The following LMO7 variants were observed in gnomAD, a reference collection of about 807,000 sequenced individuals.
LMO7 encodes LIM domain 7.
LMO7 carries 120 observed loss-of-function variants against 206.5 expected under a neutral mutation model. That is an observed-to-expected ratio of 0.58 (90% CI 0.50 to 0.68). The LOEUF is 0.68. Among genes scored for constraint, LMO7 ranks in the 30% least tolerant of loss-of-function variants. LMO7 has a pLI of 0.00. For synonymous variants in LMO7, 706 were observed against 681.5 expected (o/e 1.04, Z -0.56); for missense variants, 1,959 against 1,957.9 (o/e 1.00, Z -0.01).
chr13:75,744,166 T>G (rs1445824457), intron 3 of LMO7, among the ~76,000 whole-genome samples: 2 of 152,238 alleles, frequency 1.3e-5, no homozygotes, highest in East Asian at 3.8e-4. Context: ...TGCCTCTATC[T>G]CTTCCATTCC....
intron 1 of LMO7, among the ~76,000 whole-genome samples, chr13:75,670,628 A>C (rs917606387): frequency 6.6e-6 from 1 of 152,236 alleles, no homozygotes; most frequent in Non-Finnish European, 1.5e-5. Flanking sequence ...GAAATGCTAC[A>C]TTTGTATAGG....
intron 4 of LMO7, among the ~76,000 whole-genome samples, chr13:75,772,265 C>T (rs866657358): frequency 6.6e-6 from 1 of 151,966 alleles, no homozygotes; most frequent in Non-Finnish European, 1.5e-5. Context: ...GCCAAAGACA[C>T]GTGAAACTAA....
At chr13:75,848,880 G>A (rs748764646) in intron 26 of LMO7, 199 bp from the exon 27 acceptor site, 22 of 538,568 alleles carry the variant, frequency 4.1e-5, no homozygotes, top group East Asian at 9.4e-5. Flanking sequence ...CACCAGCAGC[G>A]TAGGAGTGCT....
At chr13:75,827,230 G>A (rs1389598203) in intron 15 of LMO7, among the ~76,000 whole-genome samples, 1 of 152,122 alleles carries the variant, frequency 6.6e-6, no homozygotes, top group Non-Finnish European at 1.5e-5. Context: ...AACTTGATCT[G>A]GCAGGTAATT....
chr13:75,682,128 A>G (rs1244831187), intron 1 of LMO7, among the ~76,000 whole-genome samples: 3 of 152,194 alleles, frequency 2.0e-5, no homozygotes, highest in Admixed American at 6.5e-5. Flanking sequence ...CTATTCTTCT[A>G]CACCCTTGTC....
chr13:75,776,112 T>TATATATATAC (rs1491138251), intron 4 of LMO7, among the ~76,000 whole-genome samples: 6 of 77,272 alleles, frequency 7.8e-5, no homozygotes, highest in African/African-American at 2.0e-4. Context: ...TATATATATA[T>TATATATATAC]ACATACATAC....
At chr13:75,644,126 C>G (rs976597995) in intron 1 of LMO7, among the ~76,000 whole-genome samples, 1 of 151,960 alleles carries the variant, frequency 6.6e-6, no homozygotes, top group Non-Finnish European at 1.5e-5. Flanking sequence ...AGCGAGTTAC[C>G]TGCTAGTGAA....
chr13:75,620,715 T>A (rs2033271118), exon 1 of LMO7: 1 of 152,166 alleles, frequency 6.6e-6, no homozygotes, highest in African/African-American at 2.4e-5. Context: ...TCTCATCTGA[T>A]ATAACTTTTT....
At position 75,834,230 on chromosome 13, in the gene LMO7, C is replaced by T. The variant is rs1301768197; in HGVS notation, c.3069C>T (p.Ser1023=). The T allele has an allele frequency of 1.3e-6, 2 of 1,583,972 alleles. No homozygotes were observed. The highest frequency in any genetic ancestry group is 1.2e-5 in the South Asian group (1 of 85,764). ...GIFVASVEAG[S]PAEFSQLQVD... is the part of the protein sequence containing the mutation. ...TAATTTATTTTGCATTTTTAGGTAG[C>T]CCAGCAGAATTTTCTCAGCTACAAG... Residue 1023 remains serine, a synonymous_variant, in exon 17 of 31, where the codon AGC becomes AGT. Coordinates refer to ENST00000377534, the MANE Select transcript of LMO7 (RefSeq NM_001306080.2).
intron 15 of LMO7, among the ~76,000 whole-genome samples, chr13:75,827,039 T>G (rs1211563886): frequency 2.0e-5 from 3 of 152,080 alleles, no homozygotes; most frequent in Non-Finnish European, 4.4e-5. Flanking sequence ...ATGTCACCCC[T>G]CCCCCATTGG....
chr13:75,768,470 A>G (rs1199659624), intron 4 of LMO7, among the ~76,000 whole-genome samples: 1 of 152,092 alleles, frequency 6.6e-6, no homozygotes, highest in Non-Finnish European at 1.5e-5. Flanking sequence ...GGCCAACACA[A>G]TTGAATTAAC....
At chr13:75,765,923 T>C (rs892544167) in intron 4 of LMO7, among the ~76,000 whole-genome samples, 4 of 152,170 alleles carry the variant, frequency 2.6e-5, no homozygotes, top group Non-Finnish European at 4.4e-5. Flanking sequence ...TAAGCCTTCA[T>C]GCTGTGGACT....
intron 15 of LMO7, among the ~76,000 whole-genome samples, chr13:75,825,486 A>G (rs1311941430): frequency 6.6e-6 from 1 of 152,230 alleles, no homozygotes; most frequent in African/African-American, 2.4e-5. Context: ...CGCAACTCAG[A>G]GGAGCTTCAA....
intron 2 of LMO7, chr13:75,628,386 C>T (rs1356799565): frequency 6.6e-6 from 1 of 152,160 alleles, no homozygotes; most frequent in Non-Finnish European, 1.5e-5. Flanking sequence ...TTTTGGCTTC[C>T]TTTTCCTCTG....
intron 2 of LMO7, among the ~76,000 whole-genome samples, chr13:75,625,570 C>T (rs2033943417): frequency 2.0e-5 from 3 of 152,176 alleles, no homozygotes; most frequent in Admixed American, 2.0e-4. Flanking sequence ...TCTTCTCCCT[C>T]TGTCCAGACA....
intron 2 of LMO7, among the ~76,000 whole-genome samples, chr13:75,719,080 A>G (rs910568356): frequency 8.6e-5 from 13 of 151,524 alleles, no homozygotes; most frequent in African/African-American, 2.9e-4. Context: ...CCTGGGTTCA[A>G]GCGATTCTCC....
intron 1 of LMO7, among the ~76,000 whole-genome samples, chr13:75,663,449 G>A (rs1378831635): frequency 1.5e-4 from 2 of 13,138 alleles, no homozygotes; most frequent in Non-Finnish European, 3.7e-4. Context: ...TTTTTTTTTT[G>A]AGACGGAGCC....
At chr13:75,838,322 T>C (rs1178587928) in intron 20 of LMO7, 126 bp downstream of exon 20, 3 of 1,537,052 alleles carry the variant, frequency 2.0e-6, no homozygotes, top group Non-Finnish European at 1.8e-6. Flanking sequence ...CCAAGCGACA[T>C]AACCCATTTC....
intron 28 of LMO7, 115 bp from the exon 29 acceptor site, chr13:75,855,145 A>G (rs2060821484): frequency 3.3e-6 from 2 of 601,698 alleles, no homozygotes; most frequent in Non-Finnish European, 5.9e-6. Context: ...CCACAGATAT[A>G]TGTATAGAGC....
Sources: allele counts gnomAD v4.1 joint callset (sites outside exome capture counted in the v4.1 genomes callset), GRCh38; gene constraint gnomAD v4.1.1; transcripts MANE v1.5; gene names NCBI Gene and HGNC (gene_info 2026-07-23, HGNC 2026-07-21).